QTMAN: variants seen among roughly 807,000 people sequenced by gnomAD.
QTMAN encodes the protein queuosine-tRNA mannosyltransferase.
the QTMAN span, among the ~76,000 whole-genome samples, chr2:144,250,603 G>C: frequency 6.6e-6 from 1 of 151,936 alleles, no homozygotes; most frequent in Non-Finnish European, 1.5e-5. Context: ...AACATACCAT[G>C]AGTAAAAACC....
At chr2:144,272,267 A>G in the QTMAN span, among the ~76,000 whole-genome samples, 1 of 152,228 alleles carries the variant, frequency 6.6e-6, no homozygotes, top group African/African-American at 2.4e-5. Flanking sequence ...TAATCCAAAA[A>G]TTAAAATTGT....
chr2:143,994,853 A>G, the QTMAN span, among the ~76,000 whole-genome samples: 1 of 152,224 alleles, frequency 6.6e-6, no homozygotes, highest in Non-Finnish European at 1.5e-5. Flanking sequence ...AAATCGCTGA[A>G]TTGTATATTT....
chr2:144,180,184 A>T, the QTMAN span, among the ~76,000 whole-genome samples: 1 of 152,212 alleles, frequency 6.6e-6, no homozygotes, highest in African/African-American at 2.4e-5. Flanking sequence ...AGGGAAGCCA[A>T]AAATGCACTG....
the QTMAN span, among the ~76,000 whole-genome samples, chr2:143,979,982 T>C: frequency 6.6e-6 from 1 of 152,188 alleles, no homozygotes; most frequent in Non-Finnish European, 1.5e-5. Flanking sequence ...CCTCTGGAAC[T>C]AATCCATTTT....
the QTMAN span, among the ~76,000 whole-genome samples, chr2:144,062,313 A>G: frequency 6.6e-6 from 1 of 152,156 alleles, no homozygotes; most frequent in African/African-American, 2.4e-5. Flanking sequence ...CACCCATCAC[A>G]ATACCCACAA....
chr2:144,043,378 G>A, the QTMAN span, among the ~76,000 whole-genome samples: 2 of 152,072 alleles, frequency 1.3e-5, no homozygotes, highest in African/African-American at 4.8e-5. Flanking sequence ...GCTCACGCCT[G>A]TAATCCCAGC....
the QTMAN span, among the ~76,000 whole-genome samples, chr2:144,096,493 A>T: frequency 6.6e-6 from 1 of 152,196 alleles, no homozygotes; most frequent in Non-Finnish European, 1.5e-5. Context: ...CATTACTTTC[A>T]TCCCTCTCAG....
At chr2:144,058,432 T>C in the QTMAN span, among the ~76,000 whole-genome samples, 1 of 152,206 alleles carries the variant, frequency 6.6e-6, no homozygotes, top group Non-Finnish European at 1.5e-5. Context: ...GCCTTTTTCT[T>C]AACCCAGCAT....
chr2:144,034,037 C>A, the QTMAN span, among the ~76,000 whole-genome samples: 1 of 152,182 alleles, frequency 6.6e-6, no homozygotes, highest in African/African-American at 2.4e-5. Context: ...GATTCTTACA[C>A]TGTCAAGGAG....
At chr2:144,107,565 A>G in the QTMAN span, among the ~76,000 whole-genome samples, 1 of 152,204 alleles carries the variant, frequency 6.6e-6, no homozygotes, top group South Asian at 2.1e-4. Flanking sequence ...AAGAAGTTGA[A>G]TCTCTGAATA....
At chr2:144,105,392 T>A in the QTMAN span, among the ~76,000 whole-genome samples, 3 of 152,098 alleles carry the variant, frequency 2.0e-5, no homozygotes, top group South Asian at 6.2e-4. Context: ...GAATAACCAG[T>A]GTAGAGAAGT....
chr2:144,110,757 C>T, the QTMAN span, among the ~76,000 whole-genome samples: 2 of 146,858 alleles, frequency 1.4e-5, no homozygotes, highest in African/African-American at 5.0e-5. Context: ...CACTTTTAAA[C>T]TCTTTGCAAC....
chr2:144,064,774 A>C, the QTMAN span, among the ~76,000 whole-genome samples: 1 of 152,228 alleles, frequency 6.6e-6, no homozygotes, highest in Non-Finnish European at 1.5e-5. Flanking sequence ...AAAATTCCAT[A>C]AAGATTCTTT....
At chr2:144,006,161 G>A in the QTMAN span, 3 of 152,070 alleles carry the variant, frequency 2.0e-5, no homozygotes, top group East Asian at 1.9e-4. Context: ...GTATGAAGTT[G>A]CACAAACAAA....
chr2:144,062,344 T>C, the QTMAN span, among the ~76,000 whole-genome samples: 1 of 152,204 alleles, frequency 6.6e-6, no homozygotes, highest in African/African-American at 2.4e-5. Flanking sequence ...GGAATTCTCC[T>C]GTCTCACTGC....
the QTMAN span, among the ~76,000 whole-genome samples, chr2:143,967,372 C>T: frequency 6.7e-6 from 1 of 150,110 alleles, no homozygotes; most frequent in East Asian, 1.9e-4. Flanking sequence ...ACTCTGTTGT[C>T]CAGGCTGGAG....
At chr2:143,947,511 GT>G in the QTMAN span, among the ~76,000 whole-genome samples, 21 of 152,162 alleles carry the variant, frequency 1.4e-4, no homozygotes, top group African/African-American at 4.8e-4. Context: ...AGTTTCTGCC[GT>G]GAATTTTACT....
the QTMAN span, among the ~76,000 whole-genome samples, chr2:144,018,814 A>G: frequency 1.3e-5 from 2 of 152,180 alleles, no homozygotes; most frequent in Non-Finnish European, 2.9e-5. Flanking sequence ...AGGTGCTTCA[A>G]TCAGGAAAGA....
the QTMAN span, among the ~76,000 whole-genome samples, chr2:144,173,002 G>A: frequency 6.6e-5 from 10 of 151,752 alleles, no homozygotes; most frequent in Non-Finnish European, 1.2e-4. Flanking sequence ...TTTTACTTTT[G>A]TTTTTGAGTA....
Sources: gnomAD v4.1 joint callset for allele counts (sites outside exome capture counted in the v4.1 genomes callset) on GRCh38, gnomAD v4.1.1 for gene constraint, MANE v1.5 for transcripts, NCBI Gene and HGNC (gene_info 2026-07-23, HGNC 2026-07-21) for gene names.